The following OSBPL7 variants were observed in gnomAD, a reference collection of about 807,000 sequenced individuals.
OSBPL7 encodes the protein oxysterol binding protein like 7, also known as oxysterol-binding protein-related protein 7.
A neutral mutation model predicts 115.8 loss-of-function variants in OSBPL7; 66 were observed. That is an observed-to-expected ratio of 0.57 (90% CI 0.47 to 0.70). The LOEUF (loss-of-function observed/expected upper bound fraction) is 0.70. OSBPL7 is among the 30% of genes least tolerant of loss of function. The probability of loss-of-function intolerance (pLI) is 0.00; values close to 1 mark genes in which losing one functional copy is unlikely to be tolerated. For missense variants in OSBPL7, 902 were observed against 1,125.5 expected, an observed-to-expected ratio of 0.80 and a Z score of 2.84; for synonymous variants, 441 against 439.2, an observed-to-expected ratio of 1.00 and a Z score of -0.05.
At chr17:47,821,143 C>T (rs1175406973) in intron 1 of OSBPL7, among the ~76,000 whole-genome samples, 1 of 152,180 alleles carries the variant, frequency 6.6e-6, no homozygotes, top group African/African-American at 2.4e-5. Flanking sequence ...TGCAGCAGTG[C>T]CCACAGGCAC....
At chr17:47,819,151 A>G in intron 4 of OSBPL7, 52 bp from the exon 5 acceptor site, 1 of 1,465,026 alleles carries the variant, frequency 6.8e-7, no homozygotes, top group Non-Finnish European at 9.6e-7. Context: ...AGGCTCTCAG[A>G]GCCATAGAGC....
At position 47,809,127 on chromosome 17, in the gene OSBPL7, C is replaced by G. The variant is rs1447814133; in HGVS notation, c.2119G>C (p.Glu707Gln). The stretch of plus-strand genomic sequence containing the variant: ...GGCGTGGGTCCCCGGTACAGCCCCT[C>G]GTGCCACTTCCCAAAGAGTCGGTGG... ...VLHRLFGKWH[E>Q]GLYRGPTPGG... The change falls in exon 20 of 23, where the codon GAG becomes CAG. Residue 707 changes from glutamate to glutamine, a missense_variant. Around this residue, in one of 3 missense-constraint regions of OSBPL7, gnomAD observed 230 missense variants for 312.7 expected, o/e 0.74. Transcript: ENST00000007414. 2.1e-5 allele frequency: 34 copies of G among 1,614,052 alleles called. No individual in the cohort carries two copies. In the Admixed American group the frequency reaches 5.7e-4, roughly 27 times the overall value.
intron 8 of OSBPL7, 65 bp downstream of exon 8, chr17:47,817,191 C>T (rs1446129314): frequency 1.1e-5 from 15 of 1,311,060 alleles, no homozygotes; most frequent in Non-Finnish European, 1.3e-5. Flanking sequence ...GGAATAGGAC[C>T]CATCCTGGGG....
In OSBPL7 at chr17:47,816,453, C is replaced by T. The variant is rs191850189; in HGVS notation, c.958G>A (p.Ala320Thr). 795 of 1,544,538 alleles carry T rather than the reference C, an allele frequency of 5.1e-4. 5 individuals are homozygous for T. The East Asian group carries it at 0.011, about 22-fold the overall frequency. ...AGTTGGTCCCGTTCCATGGTGAGGG[C>T]GGCCAGGACGCTGCTGAGGGAGCTG... ...VHSSLSSVLA[A>T]LTMERDQLRD... is the part of the protein sequence containing the mutation. Residue 320 changes from alanine (A) to threonine (T), a missense_variant, in exon 11 of 23, where the codon GCC becomes ACC. Physicochemically the swap from Ala to Thr is moderately conservative, Grantham distance 58. Coordinates refer to ENST00000007414, the MANE Select transcript of OSBPL7 (RefSeq NM_145798.3). This position sits in a 1 kb window ranked among gnomAD's most constrained non-coding sequence, Gnocchi z 5.8.
chr17:47,813,689 C>T lies in OSBPL7; in HGVS notation c.1497G>A (p.Gln499=). ...KDLSKVSMPV[Q]LNEPLNTLQR... ...GCAGAGTGTTGAGCGGCTCGTTGAG[C>T]TGCACAGGCATTGACACCTTGGACA... The change falls in exon 15 of 23, where the codon CAG becomes CAA. Residue 499 remains glutamine (Q), a synonymous_variant. Transcript: ENST00000007414. 6.2e-7 allele frequency: 1 copy of T among 1,613,364 alleles called. No individual in the cohort carries two copies.
At chr17:47,810,512 T>A in intron 18 of OSBPL7, 82 bp downstream of exon 18, 1 of 1,268,058 alleles carries the variant, frequency 7.9e-7, no homozygotes, top group Non-Finnish European at 1.1e-6. Context: ...CCCGTCCTTA[T>A]CCTGTCCCTA....
At chr17:47,819,813 G>C (rs750500574) in intron 3 of OSBPL7, 31 bp from the exon 4 acceptor site, 1 of 1,613,902 alleles carries the variant, frequency 6.2e-7, no homozygotes, top group Non-Finnish European at 8.5e-7. Context: ...GACAGGACCC[G>C]GGAGGCCGAG....
chr17:47,818,693 G>A, intron 5 of OSBPL7, 77 bp from the exon 6 acceptor site: 3 of 1,229,982 alleles, frequency 2.4e-6, no homozygotes, highest in Non-Finnish European at 3.5e-6. Context: ...CAGGGCTCTG[G>A]TCCCCAGACA....
intron 7 of OSBPL7, 94 bp downstream of exon 7, chr17:47,818,175 G>T (rs2033283303): frequency 9.2e-7 from 1 of 1,090,360 alleles, no homozygotes; most frequent in African/African-American, 1.6e-5. Flanking sequence ...TTAAACTGGG[G>T]CTCCCTGAGG....
At position 47,813,725 on chromosome 17, in the gene OSBPL7, G is replaced by A. The variant is rs765052315; in HGVS notation, c.1461C>T (p.Ile487=). Residue 487 remains isoleucine (I), a synonymous_variant, in exon 15 of 23, where the codon ATC becomes ATT. Coordinates refer to ENST00000007414, the MANE Select transcript of OSBPL7 (RefSeq NM_145798.3). ...TTGACACCTTGGACAGGTCTTTGCCGATGTTGTTGCGCAGAATGTTCCACA... is the reference window on the plus strand; with the variant it reads ...TTGACACCTTGGACAGGTCTTTGCCAATGTTGTTGCGCAGAATGTTCCACA... ...VSLWNILRNN[I]GKDLSKVSMP... 1.1e-5 allele frequency: 17 copies of A among 1,613,372 alleles called. No individual in the cohort carries two copies. The highest frequency in any genetic ancestry group is 1.3e-5 in the African/African-American group (1 of 74,924).
chr17:47,816,559 T>C lies in OSBPL7; in HGVS notation c.928+4A>G, dbSNP rs764888502. ...CCCACCAGCCCCTCCCAGCAGGCAC[T>C]TACCCTTCTGGGCCAGGGCCCAGAA... On this transcript the variant is annotated splice_donor_region_variant and intron_variant, in intron 10 of 22. Coordinates refer to ENST00000007414, the MANE Select transcript of OSBPL7 (RefSeq NM_145798.3). The surrounding 1 kb of genome is among the most constrained non-coding windows in gnomAD (Gnocchi z 5.8). The C allele has an allele frequency of 1.9e-6, 3 of 1,609,328 alleles. No homozygotes were observed. Among genetic ancestry groups the C allele is most frequent in the Non-Finnish European group, 1.7e-6 (2 of 1,177,928 alleles).
At chr17:47,814,479 A>ACCCCCCTCCCCCCCCCCC in intron 14 of OSBPL7, 42 bp downstream of exon 14, 1 of 1,086,692 alleles carries the variant, frequency 9.2e-7, no homozygotes, top group Non-Finnish European at 1.4e-6. Context: ...CTGTTTTTCC[A>ACCCCCCTCCCCCCCCCCC]CCCGCCTCCC....
intron 16 of OSBPL7, among the ~76,000 whole-genome samples, chr17:47,811,904 A>G (rs919872239): frequency 6.6e-6 from 1 of 152,222 alleles, no homozygotes; most frequent in Non-Finnish European, 1.5e-5. Flanking sequence ...TGCGTAAAAC[A>G]TTTCTGGGAG....
intron 5 of OSBPL7, 131 bp downstream of exon 5, chr17:47,818,855 T>C (rs995482492): frequency 6.8e-6 from 6 of 884,238 alleles, no homozygotes; most frequent in Non-Finnish European, 1.1e-5. Context: ...TTTTACAGGA[T>C]GGAAACTTAC....
chr17:47,812,989 C>G (rs546554683), intron 16 of OSBPL7, among the ~76,000 whole-genome samples: 13 of 152,236 alleles, frequency 8.5e-5, no homozygotes, highest in African/African-American at 3.1e-4. Flanking sequence ...ACATCCCATT[C>G]TCCCCAGCCC....
chr17:47,813,173 G>T, intron 16 of OSBPL7, 93 bp downstream of exon 16: 1 of 1,532,262 alleles, frequency 6.5e-7, no homozygotes, highest in Admixed American at 1.8e-5. Flanking sequence ...CCTCTCCCAG[G>T]CCCTGGTCCC....
rs368998627 is a variant in OSBPL7 at position 47,809,182 on chromosome 17, G to A, written c.2064C>T (p.Gly688=). ...CACGGCCACTCCGACTGAGCACAGCGCCCTGCACCTCGTGGACATTGGAAC... is the reference window on the plus strand; with the variant it reads ...CACGGCCACTCCGACTGAGCACAGCACCCTGCACCTCGTGGACATTGGAAC... The part of the protein sequence containing the change: ...YWSSNVHEVQ[G]AVLSRSGRVL... Residue 688 remains glycine (G), a synonymous_variant, in exon 20 of 23, where the codon GGC becomes GGT. Transcript: ENST00000007414. 4.3e-5 allele frequency: 69 copies of A among 1,614,044 alleles called. No homozygotes were observed. Among genetic ancestry groups the A allele is most frequent in the African/African-American group, 8.0e-5 (6 of 74,926 alleles).
Position 47,817,305 on chromosome 17 carries a change from A to G in OSBPL7, c.653T>C (p.Leu218Pro), listed in dbSNP as rs1598023799. 6.2e-7 allele frequency: 1 copy of G among 1,603,096 alleles called. No homozygotes were observed. The highest frequency in any genetic ancestry group is 8.5e-7 in the Non-Finnish European group (1 of 1,177,354). ...LQELHRLLQS[L>P]ESLHRIPSAP... ...TGAGGGGATTCGGTGCAGGGACTCCAGGCTCTGGAGGAGCCTGTGTAGTTC... is the reference window on the plus strand; with the variant it reads ...TGAGGGGATTCGGTGCAGGGACTCCGGGCTCTGGAGGAGCCTGTGTAGTTC... Residue 218 changes from leucine (L) to proline (P), a missense_variant, in exon 8 of 23, where the codon CTG (leucine) becomes CCG (proline). By Grantham distance (98) the Leu-to-Pro change is moderately conservative. Around this residue, in one of 3 missense-constraint regions of OSBPL7, gnomAD observed 667 missense variants for 788.7 expected, o/e 0.85. Transcript: ENST00000007414.
rs61622029 is a variant in OSBPL7 at position 47,820,136 on chromosome 17, G to A, written c.76-40C>T. The A allele has an allele frequency of 5.6e-3, 9,085 of 1,613,292 alleles. 286 individuals carry two copies. In the African/African-American group the frequency reaches 0.083, roughly 15 times the overall value. ...AGAGGGAGGGGAGCACTGGTGAGAC[G>A]TCCGCCTTGGCCCCTCCCTGTCTGG... On this transcript the variant is annotated intron_variant, in intron 2 of 22. Coordinates refer to ENST00000007414, the MANE Select transcript of OSBPL7 (RefSeq NM_145798.3).
Sources: allele counts gnomAD v4.1 joint callset (sites outside exome capture counted in the v4.1 genomes callset), GRCh38; gene constraint gnomAD v4.1.1; regional missense constraint gnomAD v4.1.1; non-coding constraint Gnocchi (gnomAD v3.1); transcripts MANE v1.5; gene names NCBI Gene and HGNC (gene_info 2026-07-23, HGNC 2026-07-21).